ANKRD50: variants seen among roughly 807,000 people sequenced by gnomAD.
The protein encoded by ANKRD50 is ankyrin repeat domain-containing protein 50.
In ANKRD50, 40 loss-of-function variants were observed where a neutral mutation model predicts 112.0. The observed-to-expected ratio is 0.36, with a 90% CI of 0.28 to 0.46. The LOEUF is 0.46. Ranked by LOEUF, ANKRD50 falls within the 20% of genes least tolerant of loss-of-function variation. The pLI, the probability that ANKRD50 is intolerant of heterozygous loss-of-function variation, is 1.00. For synonymous variants in ANKRD50, 613 were observed against 619.1 expected (o/e 0.99, Z 0.15); for missense variants, 1,487 against 1,701.7 (o/e 0.87, Z 2.22).
In ANKRD50 at chr4:124,672,452, A is replaced by C; in HGVS notation, c.825T>G (p.Asp275Glu). ...GGTGTTGTCGCAAAGCTTCTTCTTG[A>C]TCTAAACGATGAAGAATGTACTGCT... ...DVQQYILHRL[D>E]QEEALRQHLT... Residue 275 changes from aspartate to glutamate, a missense_variant, in exon 4 of 5, where the codon GAT becomes GAG. Around this residue, in one of 2 missense-constraint regions of ANKRD50, gnomAD observed 1,046 missense variants for 1,269.5 expected, o/e 0.82. Coordinates refer to ENST00000504087, the MANE Select transcript of ANKRD50 (RefSeq NM_020337.3). 6.2e-7 allele frequency: 1 copy of C among 1,612,536 alleles called. No individual in the cohort carries two copies. The highest frequency in any genetic ancestry group is 8.5e-7 in the Non-Finnish European group (1 of 1,179,328).
At position 124,665,612 on chromosome 4, in the gene ANKRD50, T is replaced by A. The variant is rs1036246762; in HGVS notation, c.*1906A>T. ...TCTAATAATAGTATGTGTTCATATT[T>A]ATTAATAGACTCATTAACACTTTTA... On this transcript the variant is annotated 3_prime_UTR_variant, in exon 5 of 5. Transcript: ENST00000504087. 6.6e-6 allele frequency: 1 copy of A among 152,412 alleles called. No homozygotes were observed. Among genetic ancestry groups the A allele is most frequent in the African/African-American group, 2.4e-5 (1 of 41,422 alleles). The allele number at this position is 152,412 out of a possible 1,614,324, so 9.4% of individuals were successfully genotyped here.
rs1334695453 is a variant in ANKRD50, at chr4:124,666,337, G to C, written c.*1181C>G. 6.6e-6 allele frequency: 1 copy of C among 152,354 alleles called. No homozygotes were observed. The highest frequency in any genetic ancestry group is 2.4e-5 in the African/African-American group (1 of 41,380). The allele number at this position is 152,354 out of a possible 1,614,324, so 9.4% of individuals were successfully genotyped here. A position where few individuals can be genotyped will look rare whatever the true frequency, so the allele number is the denominator to read the frequency against. On this transcript the variant is annotated 3_prime_UTR_variant, in exon 5 of 5. Transcript: ENST00000504087. ...AAGAAGAAAACAGGAAAGAGTATGA[G>C]GATAGAAAAGTGCAAATCCATCACT...
intron 2 of ANKRD50, among the ~76,000 whole-genome samples, chr4:124,682,248 A>C (rs939001206): frequency 6.7e-6 from 1 of 148,340 alleles, no homozygotes; most frequent in East Asian, 2.0e-4. Context: ...CCCGGGAAGC[A>C]GAGCTTGCAG....
intron 2 of ANKRD50, among the ~76,000 whole-genome samples, chr4:124,687,508 A>C (rs1224158174): frequency 6.6e-6 from 1 of 152,090 alleles, no homozygotes; most frequent in Non-Finnish European, 1.5e-5. Context: ...GGATCCATAG[A>C]AGGAAAAAAA....
In ANKRD50 at chr4:124,664,248, G is replaced by T. The variant is rs959155581; in HGVS notation, c.*3270C>A. 2 of 151,778 alleles carry T rather than the reference G, an allele frequency of 1.3e-5. No individual in the cohort carries two copies. Among genetic ancestry groups the T allele is most frequent in the Non-Finnish European group, 2.9e-5 (2 of 67,910 alleles). 9.4% of individuals were successfully genotyped at this position (151,778 alleles called of 1,614,324 possible). On this transcript the variant is annotated 3_prime_UTR_variant, in exon 5 of 5. Coordinates refer to ENST00000504087, the MANE Select transcript of ANKRD50 (RefSeq NM_020337.3). ...TGATATAGTATATAATCAGTCACGG[G>T]GGGGAAAAGAACATTAAGTCTTTAA...
chr4:124,683,081 C>T (rs1560823970), intron 2 of ANKRD50, among the ~76,000 whole-genome samples: 1 of 151,636 alleles, frequency 6.6e-6, no homozygotes, highest in African/African-American at 2.4e-5. Context: ...TATATACACA[C>T]ACATAATGTA....
chr4:124,699,312 C>T (rs1725333865), intron 2 of ANKRD50, among the ~76,000 whole-genome samples: 2 of 151,650 alleles, frequency 1.3e-5, no homozygotes, highest in Non-Finnish European at 2.9e-5. Flanking sequence ...GTTTACTTTC[C>T]CGTATCACTG....
At chr4:124,711,937 G>C (rs909284256) in intron 1 of ANKRD50, among the ~76,000 whole-genome samples, 20 of 152,174 alleles carry the variant, frequency 1.3e-4, no homozygotes, top group African/African-American at 4.6e-4. Context: ...GACAGGAAAG[G>C]GATAAAGAGT....
At position 124,710,556 on chromosome 4, in the gene ANKRD50, A is replaced by C. The variant is rs1235152541; in HGVS notation, c.-45T>G. ...TTTGCTAGAGTCTGGATACATCAAC[A>C]CAGGTCTTTCCATCCATTATGACAT... is the stretch of plus-strand genomic sequence containing the variant. On this transcript the variant is annotated 5_prime_UTR_variant, in exon 2 of 5. Coordinates refer to ENST00000504087, the MANE Select transcript of ANKRD50 (RefSeq NM_020337.3). The C allele has an allele frequency of 6.5e-7, 1 of 1,549,572 alleles. No homozygotes were observed. The highest frequency in any genetic ancestry group is 1.2e-5 in the South Asian group (1 of 84,136).
chr4:124,710,502 G>A lies in ANKRD50; in HGVS notation c.10C>T (p.Pro4Ser). The A allele has an allele frequency of 6.2e-7, 1 of 1,610,776 alleles. No homozygotes were observed. The highest frequency in any genetic ancestry group is 8.5e-7 in the Non-Finnish European group (1 of 1,179,544). MTN[P>S]WEEKVCKMAQ... ...ATTTTGCAGACTTTCTCTTCCCAAG[G>A]ATTAGTCATAACGGGTTTTTTATCT... The change falls in exon 2 of 5, where the codon CCT (proline) becomes TCT (serine). Residue 4 changes from proline to serine, a missense_variant. Pro to Ser is a moderately conservative substitution (Grantham distance 74). This residue lies in a region of ANKRD50 where 1,046 missense variants were observed against 1,269.5 expected (regional missense o/e 0.82). Transcript: ENST00000504087.
At chr4:124,678,613 C>G in intron 3 of ANKRD50, 63 bp downstream of exon 3, 3 of 1,444,910 alleles carry the variant, frequency 2.1e-6, no homozygotes, top group Non-Finnish European at 2.9e-6. Context: ...CATACTTTTT[C>G]CTCTAAGAAA....
At chr4:124,694,708 T>C (rs1474191925) in intron 2 of ANKRD50, among the ~76,000 whole-genome samples, 2 of 152,134 alleles carry the variant, frequency 1.3e-5, no homozygotes, top group African/African-American at 4.8e-5. Context: ...AAAAAGATCA[T>C]GGGTCAGTGA....
At chr4:124,686,609 G>A (rs762372456) in intron 2 of ANKRD50, among the ~76,000 whole-genome samples, 2 of 152,098 alleles carry the variant, frequency 1.3e-5, no homozygotes, top group Non-Finnish European at 1.5e-5. Flanking sequence ...GAAACCCACC[G>A]CAGCCTACAG....
Position 124,709,930 on chromosome 4 carries a change from A to G in ANKRD50, c.512+70T>C, listed in dbSNP as rs1578598007. On this transcript the variant is annotated intron_variant, in intron 2 of 4. Transcript: ENST00000504087. ...AAAAGTAACCCACAAAGTTAAAACA[A>G]AAAACTACAACTAAAAATTAATTTA... is the stretch of plus-strand genomic sequence containing the variant. 2.6e-6 allele frequency: 4 copies of G among 1,531,226 alleles called. No homozygotes were observed. In the East Asian group the frequency reaches 9.0e-5, roughly 35 times the overall value. The allele number at this position is 1,531,226 out of a possible 1,614,324, so 94.9% of individuals were successfully genotyped here.
chr4:124,684,637 C>T (rs946454679), intron 2 of ANKRD50, among the ~76,000 whole-genome samples: 3 of 152,138 alleles, frequency 2.0e-5, no homozygotes, highest in Admixed American at 1.3e-4. Context: ...CTTATTTCAA[C>T]GAATAATGGT....
intron 3 of ANKRD50, among the ~76,000 whole-genome samples, chr4:124,677,920 T>C (rs915516658): frequency 2.0e-5 from 3 of 152,096 alleles, no homozygotes; most frequent in African/African-American, 7.2e-5. Context: ...TTAGCTATTG[T>C]TATTTAAATT....
At chr4:124,685,531 T>C (rs1260583543) in intron 2 of ANKRD50, among the ~76,000 whole-genome samples, 1 of 152,166 alleles carries the variant, frequency 6.6e-6, no homozygotes, top group African/African-American at 2.4e-5. Context: ...ATTTAGACAG[T>C]CTAAAACAGA....
At chr4:124,682,099 G>A (rs1724902328) in intron 2 of ANKRD50, among the ~76,000 whole-genome samples, 2 of 151,892 alleles carry the variant, frequency 1.3e-5, no homozygotes, top group African/African-American at 2.4e-5. Context: ...GGTGGATCAC[G>A]AGGTCAGGAG....
chr4:124,706,510 T>G (rs1337393608), intron 2 of ANKRD50, among the ~76,000 whole-genome samples: 2 of 151,962 alleles, frequency 1.3e-5, no homozygotes, highest in Non-Finnish European at 2.9e-5. Flanking sequence ...ACAAAAAAAA[T>G]TAAAGAAAGC....
Sources: allele counts gnomAD v4.1 joint callset (sites outside exome capture counted in the v4.1 genomes callset), GRCh38; gene constraint gnomAD v4.1.1; regional missense constraint gnomAD v4.1.1; transcripts MANE v1.5; gene names NCBI Gene and HGNC (gene_info 2026-07-23, HGNC 2026-07-21).